The following ZC3H12B variants were observed in gnomAD, a reference collection of about 807,000 sequenced individuals.
ZC3H12B encodes zinc finger CCCH-type containing 12B.
Under a neutral mutation model 43.9 loss-of-function variants are expected in ZC3H12B, and 7 were observed. The observed-to-expected ratio is 0.16, with a 90% CI of 0.09 to 0.30. The LOEUF (loss-of-function observed/expected upper bound fraction) is 0.30. Ranked by LOEUF, ZC3H12B falls within the 10% of genes least tolerant of loss-of-function variation. The pLI is 1.00. For missense variants in ZC3H12B, 475 were observed against 670.2 expected, an observed-to-expected ratio of 0.71 and a Z score of 3.22; for synonymous variants, 222 against 241.7, an observed-to-expected ratio of 0.92 and a Z score of 0.76.
At chrX:65,120,780 T>G in the ZC3H12B span, among the ~76,000 whole-genome samples, 1 of 111,665 alleles carries the variant, frequency 9.0e-6, no homozygotes, top group Admixed American at 9.5e-5. Context: ...ATATTCACTG[T>G]GGGTTTGTCA....
chrX:65,053,176 T>C, the ZC3H12B span, among the ~76,000 whole-genome samples: 1 of 110,722 alleles, frequency 9.0e-6, no homozygotes, highest in East Asian at 2.9e-4. Context: ...GTTACGTATG[T>C]ATACATGTGC....
At chrX:65,056,815 G>T in the ZC3H12B span, among the ~76,000 whole-genome samples, 4 of 111,504 alleles carry the variant, frequency 3.6e-5, no homozygotes, top group African/African-American at 9.8e-5. Context: ...TAGCTCTTCT[G>T]GTTGAATTGA....
At chrX:65,245,784 C>A in the ZC3H12B span, among the ~76,000 whole-genome samples, 20 of 111,304 alleles carry the variant, frequency 1.8e-4, no homozygotes, top group South Asian at 3.8e-4. Context: ...AAAACGGGCA[C>A]AAGACAATGA....
At chrX:65,307,700 T>G in the ZC3H12B span, among the ~76,000 whole-genome samples, 44 of 112,053 alleles carry the variant, frequency 3.9e-4, no homozygotes, top group African/African-American at 1.4e-3. Context: ...GTACAGATTT[T>G]TTTGAATAAA....
At chrX:65,096,871 A>G in the ZC3H12B span, among the ~76,000 whole-genome samples, 6 of 111,764 alleles carry the variant, frequency 5.4e-5, no homozygotes, top group African/African-American at 1.9e-4. Context: ...TTGATCCATT[A>G]TAATATGGTT....
the ZC3H12B span, among the ~76,000 whole-genome samples, chrX:65,337,834 G>A: frequency 2.7e-5 from 3 of 111,930 alleles, no homozygotes; most frequent in Admixed American, 9.5e-5. Context: ...CTAGCTTTCT[G>A]CCACCAGCTC....
chrX:65,440,909 G>A (rs978423638), intron 3 of ZC3H12B, among the ~76,000 whole-genome samples: 1 of 112,285 alleles, frequency 8.9e-6, no homozygotes, highest in Non-Finnish European at 1.9e-5. Context: ...TTACTTTGCT[G>A]CCATTGTTCT....
chrX:65,128,847 A>G, the ZC3H12B span, among the ~76,000 whole-genome samples: 8 of 111,612 alleles, frequency 7.2e-5, no homozygotes, highest in African/African-American at 2.6e-4. Context: ...TACTTCAGCT[A>G]ATATCAACAG....
the ZC3H12B span, among the ~76,000 whole-genome samples, chrX:65,140,945 C>A: frequency 9.0e-6 from 1 of 111,434 alleles, no homozygotes; most frequent in Non-Finnish European, 1.9e-5. Flanking sequence ...TTCGAGGCTT[C>A]TCTTTGTTTA....
chrX:65,312,788 T>A, the ZC3H12B span, among the ~76,000 whole-genome samples: 1 of 112,146 alleles, frequency 8.9e-6, no homozygotes, highest in Non-Finnish European at 1.9e-5. Flanking sequence ...GACATCTATT[T>A]GTAAGGACAC....
At chrX:65,428,071 GA>G (rs879331123) in intron 3 of ZC3H12B, among the ~76,000 whole-genome samples, 1 of 111,884 alleles carries the variant, frequency 8.9e-6, no homozygotes, top group African/African-American at 3.2e-5. Context: ...TTTTCTTTAA[GA>G]ATGTTGAATA....
the ZC3H12B span, among the ~76,000 whole-genome samples, chrX:65,321,548 G>A: frequency 2.0e-4 from 22 of 111,231 alleles, no homozygotes; most frequent in African/African-American, 6.2e-4. Flanking sequence ...TCCCATTACT[G>A]TGTATATGCC....
At chrX:65,485,610 T>C (rs1433487603), upstream of ZC3H12B, among the ~76,000 whole-genome samples, 1 of 112,125 alleles carries the variant, frequency 8.9e-6, no homozygotes, top group Non-Finnish European at 1.9e-5. Context: ...GAAACTTTTC[T>C]CCCCAATCAC....
intron 3 of ZC3H12B, among the ~76,000 whole-genome samples, chrX:65,459,819 A>G (rs1050227442): frequency 5.4e-5 from 6 of 111,675 alleles, no homozygotes; most frequent in African/African-American, 2.0e-4. Flanking sequence ...GCCCTCTCTC[A>G]CCACTCCTAT....
chrX:65,101,158 T>A, the ZC3H12B span, among the ~76,000 whole-genome samples: 1 of 111,591 alleles, frequency 9.0e-6, no homozygotes, highest in Non-Finnish European at 1.9e-5. Flanking sequence ...GGGCACATAA[T>A]GAAATTAACG....
chrX:65,136,557 G>T, the ZC3H12B span, among the ~76,000 whole-genome samples: 7 of 111,266 alleles, frequency 6.3e-5, no homozygotes. Flanking sequence ...TTTGCTAAAA[G>T]ATTTTTGTCC....
the ZC3H12B span, among the ~76,000 whole-genome samples, chrX:65,279,081 T>G: frequency 1.8e-5 from 2 of 111,051 alleles, no homozygotes; most frequent in South Asian, 7.6e-4. Flanking sequence ...CCTTTGGTAT[T>G]GTGATTAATG....
chrX:65,071,290 T>G, the ZC3H12B span, among the ~76,000 whole-genome samples: 2 of 67,831 alleles, frequency 2.9e-5, no homozygotes, highest in East Asian at 7.3e-4. Context: ...TTTTTTTCAG[T>G]TTTTTTTTTT....
the ZC3H12B span, among the ~76,000 whole-genome samples, chrX:65,113,991 A>ATATATATATATATATG: frequency 4.2e-5 from 1 of 23,819 alleles, no homozygotes; most frequent in Non-Finnish European, 6.5e-5. Flanking sequence ...GCTTGTATAT[A>ATATATATATATATATG]TATATATATA....
Sources: allele counts gnomAD v4.1 joint callset (sites outside exome capture counted in the v4.1 genomes callset), GRCh38; gene constraint gnomAD v4.1.1; transcripts MANE v1.5; gene names NCBI Gene and HGNC (gene_info 2026-07-23, HGNC 2026-07-21).